NECAB1: variants seen among roughly 807,000 people sequenced by gnomAD.
NECAB1 encodes N-terminal EF-hand calcium binding protein 1.
NECAB1 carries 29 observed loss-of-function variants against 57.5 expected under a neutral mutation model. That is an observed-to-expected ratio of 0.50 (90% CI 0.38 to 0.69). NECAB1 has a LOEUF of 0.69. Ranked by LOEUF, NECAB1 falls within the 30% of genes least tolerant of loss-of-function variation. NECAB1 has a pLI of 0.00. For synonymous variants in NECAB1, 142 were observed against 147.7 expected (o/e 0.96, Z 0.28); for missense variants, 372 against 413.8 (o/e 0.90, Z 0.88).
chr8:90,911,725 T>G (rs1439179900), intron 5 of NECAB1, among the ~76,000 whole-genome samples: 1 of 152,198 alleles, frequency 6.6e-6, no homozygotes, highest in Non-Finnish European at 1.5e-5. Flanking sequence ...TACATATTTG[T>G]CCTAGCAATA....
chr8:90,922,052 A>G (rs1810127221), intron 6 of NECAB1, among the ~76,000 whole-genome samples: 1 of 152,258 alleles, frequency 6.6e-6, no homozygotes, highest in Non-Finnish European at 1.5e-5. Context: ...TGGCAAACTG[A>G]CTAAATGTGA....
At chr8:90,800,205 G>A (rs1163262231) in intron 1 of NECAB1, among the ~76,000 whole-genome samples, 4 of 152,146 alleles carry the variant, frequency 2.6e-5, no homozygotes, top group Admixed American at 6.5e-5. Context: ...GAGGCTTTTG[G>A]TGGAGTCTTT....
At position 90,853,818 on chromosome 8, in the gene NECAB1, G is replaced by A. The variant is rs1297495402; in HGVS notation, c.234-18310G>A. Among the ~76,000 whole-genome samples, 32 of 152,164 alleles carry A rather than the reference G, an allele frequency of 2.1e-4. 1 individual carries two copies. The highest frequency in any genetic ancestry group is 2.1e-3 in the Admixed American group (32 of 15,276). ...GCCAGGGAAGAAGGCTTTAAGATGG[G>A]TGGTATCAGCCAGGAGATGGGAGAT... On this transcript the variant is annotated intron_variant, in intron 3 of 12. Coordinates refer to ENST00000417640, the MANE Select transcript of NECAB1 (RefSeq NM_022351.5).
chr8:90,941,160 A>G (rs1810661739), intron 10 of NECAB1, among the ~76,000 whole-genome samples: 1 of 152,220 alleles, frequency 6.6e-6, no homozygotes, highest in Non-Finnish European at 1.5e-5. Context: ...ATGAAATAGA[A>G]CAACTTGAAT....
intron 5 of NECAB1, among the ~76,000 whole-genome samples, chr8:90,889,957 G>A (rs111769649): frequency 9.2e-6 from 1 of 109,204 alleles, no homozygotes; most frequent in East Asian, 4.1e-4. Flanking sequence ...CTGTGTGTGT[G>A]TGAGTGTGTG....
Position 90,822,802 on chromosome 8 carries a change from C to G in NECAB1, c.125-1915C>G, listed in dbSNP as rs5025391. On this transcript the variant is annotated intron_variant, in intron 2 of 12. Coordinates refer to ENST00000417640, the MANE Select transcript of NECAB1 (RefSeq NM_022351.5). Reference sequence around the variant, plus strand: ...ATCATCAATGTATTCGTATTACATTCACTACATATCATAGTGTTGGAGATG... The same window carrying G: ...ATCATCAATGTATTCGTATTACATTGACTACATATCATAGTGTTGGAGATG... 2.3e-3 allele frequency among the ~76,000 whole-genome samples: 352 copies of G among 151,906 alleles called. 1 individual carries two copies. The highest frequency in any genetic ancestry group is 7.9e-3 in the African/African-American group (327 of 41,496).
At chr8:90,938,359 T>C (rs936612556) in intron 9 of NECAB1, among the ~76,000 whole-genome samples, 10 of 152,170 alleles carry the variant, frequency 6.6e-5, no homozygotes, top group Non-Finnish European at 1.5e-5. Context: ...TATTCAACCA[T>C]GACAGAGTGC....
chr8:90,917,868 A>ATGTGTGTG lies in NECAB1; in HGVS notation c.494+241_494+242insGTGTGTGT, dbSNP rs1307227529. 3.1e-5 allele frequency among the ~76,000 whole-genome samples: 2 copies of ATGTGTGTG among 65,522 alleles called. 1 individual carries two copies. The highest frequency in any genetic ancestry group is 2.4e-3 in the East Asian group (2 of 844). 43.0% of individuals were successfully genotyped at this position (65,522 alleles called of 152,430 possible). A position where few individuals can be genotyped will look rare whatever the true frequency, so the allele number is the denominator to read the frequency against. ...TATATATATATATATATATATATAT[A>ATGTGTGTG]TATGTGTGTGTGTGCGTGTATATAT... On this transcript the variant is annotated intron_variant, in intron 6 of 12. Transcript: ENST00000417640.
At chr8:90,925,747 T>C in intron 7 of NECAB1, 91 bp downstream of exon 7, 2 of 1,503,890 alleles carry the variant, frequency 1.3e-6, no homozygotes, top group Admixed American at 1.9e-5. Flanking sequence ...GATAAGACAA[T>C]AGTAATGGAA....
intron 10 of NECAB1, among the ~76,000 whole-genome samples, chr8:90,942,513 T>A (rs1462807685): frequency 6.6e-6 from 1 of 152,228 alleles, no homozygotes; most frequent in Non-Finnish European, 1.5e-5. Context: ...TAGTCCTTTT[T>A]ACTTCAGTGA....
chr8:90,801,818 A>G (rs1371892916), intron 2 of NECAB1, 103 bp downstream of exon 2: 3 of 755,424 alleles, frequency 4.0e-6, no homozygotes, highest in East Asian at 5.8e-5. Flanking sequence ...AAAATTACAT[A>G]TAAAATACTA....
chr8:90,896,439 CT>C (rs1224452948), intron 5 of NECAB1, among the ~76,000 whole-genome samples: 1 of 151,924 alleles, frequency 6.6e-6, no homozygotes, highest in Non-Finnish European at 1.5e-5. Flanking sequence ...CCCGTCTCTA[CT>C]AAAAATACAA....
At chr8:90,814,165 T>C (rs922971862) in intron 2 of NECAB1, among the ~76,000 whole-genome samples, 1 of 152,256 alleles carries the variant, frequency 6.6e-6, no homozygotes, top group Non-Finnish European at 1.5e-5. Flanking sequence ...CTAGGTCTGC[T>C]ATTTTGTAGC....
intron 10 of NECAB1, among the ~76,000 whole-genome samples, chr8:90,943,458 G>A (rs1478464625): frequency 3.3e-5 from 5 of 152,116 alleles, no homozygotes; most frequent in Admixed American, 6.5e-5. Context: ...AATATATATG[G>A]TATAGATGTT....
intron 3 of NECAB1, among the ~76,000 whole-genome samples, chr8:90,870,616 A>G (rs1808606490): frequency 6.6e-6 from 1 of 152,218 alleles, no homozygotes; most frequent in African/African-American, 2.4e-5. Flanking sequence ...TTAGCTTGAC[A>G]ATTTTATCTT....
intron 3 of NECAB1, among the ~76,000 whole-genome samples, chr8:90,852,407 C>T (rs1037895445): frequency 3.6e-5 from 2 of 55,750 alleles, no homozygotes; most frequent in Non-Finnish European, 5.9e-5. Context: ...TGTACATACA[C>T]ACTGGTTGTA....
chr8:90,906,891 A>ATATATATATATATATATATATG (rs1809682308), intron 5 of NECAB1, among the ~76,000 whole-genome samples: 14 of 113,394 alleles, frequency 1.2e-4, no homozygotes, highest in African/African-American at 4.8e-4. Flanking sequence ...ATATATATAT[A>ATATATATATATATATATATATG]TATATATATA....
chr8:90,942,666 G>A (rs111629580), intron 10 of NECAB1, among the ~76,000 whole-genome samples: 3,305 of 152,170 alleles, frequency 0.022, 124 homozygotes, highest in African/African-American at 0.076. Flanking sequence ...GGCAGATCAC[G>A]AAGTCAGGAG....
chr8:90,802,790 A>C (rs1811781854), intron 2 of NECAB1, among the ~76,000 whole-genome samples: 1 of 152,210 alleles, frequency 6.6e-6, no homozygotes, highest in African/African-American at 2.4e-5. Context: ...ATATTTTCTC[A>C]GACTGTGTTG....
Sources: gnomAD v4.1 joint callset for allele counts (sites outside exome capture counted in the v4.1 genomes callset) on GRCh38, gnomAD v4.1.1 for gene constraint, MANE v1.5 for transcripts, NCBI Gene and HGNC (gene_info 2026-07-23, HGNC 2026-07-21) for gene names.